Variants in CACNG4 observed in about 807,000 individuals in gnomAD.
CACNG4 encodes calcium voltage-gated channel auxiliary subunit gamma 4.
Under a neutral mutation model 22.9 loss-of-function variants are expected in CACNG4, and 8 were observed. The ratio of observed to expected loss-of-function variants is 0.35; its 90% CI spans 0.21 to 0.63. The LOEUF is 0.63. CACNG4 is among the 30% of genes least tolerant of loss of function. The pLI is 0.72. For missense variants in CACNG4, 357 were observed against 455.4 expected, an observed-to-expected ratio of 0.78 and a Z score of 1.97; for synonymous variants, 188 against 191.9, an observed-to-expected ratio of 0.98 and a Z score of 0.17.
At chr17:67,004,346 CCT>C (rs2035425054) in intron 1 of CACNG4, among the ~76,000 whole-genome samples, 1 of 152,104 alleles carries the variant, frequency 6.6e-6, no homozygotes, top group Non-Finnish European at 1.5e-5. Flanking sequence ...AAATCCTGGC[CCT>C]CTCTGGAACA....
intron 1 of CACNG4, among the ~76,000 whole-genome samples, chr17:67,006,810 C>T (rs755455136): frequency 7.9e-5 from 12 of 152,180 alleles, no homozygotes; most frequent in Non-Finnish European, 1.6e-4. Flanking sequence ...TGAACCTTGT[C>T]CACCTCAAAA....
chr17:66,977,690 C>T (rs2035246190), intron 1 of CACNG4, among the ~76,000 whole-genome samples: 1 of 152,222 alleles, frequency 6.6e-6, no homozygotes, highest in Non-Finnish European at 1.5e-5. Context: ...CAGACCTCAC[C>T]TCTCTCTTGT....
Position 67,030,109 on chromosome 17 carries a change from G to C in CACNG4, c.446-357G>C, listed in dbSNP as rs2035593368. On this transcript the variant is annotated intron_variant, in intron 3 of 3. Transcript: ENST00000262138. This position sits in a 1 kb window ranked among gnomAD's most constrained non-coding sequence, Gnocchi z 6.4. Reference sequence around the variant, plus strand: ...CCGTCTCTCAGATGTACTGTTAAGAGAAAAACTAAGCAGCCAGAGTACTGT... The same window carrying C: ...CCGTCTCTCAGATGTACTGTTAAGACAAAAACTAAGCAGCCAGAGTACTGT... 6.6e-6 allele frequency among the ~76,000 whole-genome samples: 1 copy of C among 152,112 alleles called. No individual in the cohort carries two copies. The highest frequency in any genetic ancestry group is 1.5e-5 in the Non-Finnish European group (1 of 68,044).
chr17:67,008,906 G>A (rs555216640), intron 1 of CACNG4, among the ~76,000 whole-genome samples: 6 of 152,172 alleles, frequency 3.9e-5, no homozygotes, highest in East Asian at 3.9e-4. Flanking sequence ...CCGAGATCGC[G>A]CCACTTCACT....
Position 66,972,111 on chromosome 17 carries a change from G to T in CACNG4, c.220+6980G>T, listed in dbSNP as rs984110125. 3.3e-5 allele frequency among the ~76,000 whole-genome samples: 5 copies of T among 152,280 alleles called. No individual in the cohort carries two copies. The East Asian group carries it at 7.7e-4, about 24-fold the overall frequency. The stretch of plus-strand genomic sequence containing the variant: ...CCCAGATTTGGGGCCACAGCAGCCG[G>T]CCAGGCGACAGCACCATGGCCAAGT... On this transcript the variant is annotated intron_variant, in intron 1 of 3. Transcript: ENST00000262138.
intron 3 of CACNG4, among the ~76,000 whole-genome samples, chr17:67,025,685 T>C (rs1482634528): frequency 1.3e-5 from 2 of 152,232 alleles, no homozygotes; most frequent in African/African-American, 2.4e-5. Context: ...GAGCTGTGGG[T>C]GACAGTGACA....
chr17:67,009,719 T>G (rs9892538), intron 1 of CACNG4, among the ~76,000 whole-genome samples: 1 of 152,026 alleles, frequency 6.6e-6, no homozygotes, highest in Non-Finnish European at 1.5e-5. Flanking sequence ...GGTGGCTTCC[T>G]GGTTTATAGA....
At position 66,965,053 on chromosome 17, in the gene CACNG4, A is replaced by C. The variant is rs1358950096; in HGVS notation, c.142A>C (p.Met48Leu). Residue 48 changes from methionine to leucine, a missense_variant, in exon 1 of 4, where the codon ATG (methionine) becomes CTG (leucine). Met to Leu is a conservative substitution (Grantham distance 15). This residue lies in a region of CACNG4 where 114 missense variants were observed against 161.6 expected (regional missense o/e 0.71). Transcript: ENST00000262138. The stretch of plus-strand genomic sequence containing the variant: ...CATCTGCAACGGCACCAACCTGACC[A>C]TGGACGACGGGCCCCCGCCCCGCCG... ...AHICNGTNLT[M>L]DDGPPPRRAR... 4 of 1,602,702 alleles carry C rather than the reference A, an allele frequency of 2.5e-6. No individual in the cohort carries two copies. Among genetic ancestry groups the C allele is most frequent in the Non-Finnish European group, 3.4e-6 (4 of 1,175,846 alleles).
rs781066654 is a variant in CACNG4 at position 66,964,952 on chromosome 17, C to T, written c.41C>T (p.Thr14Met). The T allele has an allele frequency of 2.5e-6, 4 of 1,605,616 alleles. No homozygotes were observed. The highest frequency in any genetic ancestry group is 1.7e-4 in the Middle Eastern group (1 of 6,000). Residue 14 changes from threonine to methionine, a missense_variant, in exon 1 of 4, where the codon ACG becomes ATG. By Grantham distance (81) the Thr-to-Met change is moderately conservative. Coordinates refer to ENST00000262138, the MANE Select transcript of CACNG4 (RefSeq NM_014405.4). ...CDRGLQMLLT[T>M]AGAFAAFSLM... ...CGCGGGCTGCAGATGCTGCTGACCA[C>T]GGCCGGAGCCTTCGCCGCCTTCTCG...
At chr17:67,028,381 G>A (rs1342194984) in intron 3 of CACNG4, among the ~76,000 whole-genome samples, 1 of 152,012 alleles carries the variant, frequency 6.6e-6, no homozygotes, top group Non-Finnish European at 1.5e-5. Context: ...GTGAAACCCC[G>A]TCTCTACTAA....
At chr17:66,988,672 G>C (rs1407121387) in intron 1 of CACNG4, among the ~76,000 whole-genome samples, 1 of 152,146 alleles carries the variant, frequency 6.6e-6, no homozygotes, top group African/African-American at 2.4e-5. Flanking sequence ...TGGGACGTCA[G>C]AGGGGTCTCT....
At position 67,030,980 on chromosome 17, in the gene CACNG4, G is replaced by A. The variant is rs766712507; in HGVS notation, c.960G>A (p.Leu320=). ...AGGAAGGTTTCCACGTCAGCATGCTGAACCGACGGACGACCCCTGTGTGAG... is the reference window on the plus strand; with the variant it reads ...AGGAAGGTTTCCACGTCAGCATGCTAAACCGACGGACGACCCCTGTGTGAG... ...DLKEGFHVSM[L]NRRTTPV is the part of the protein sequence containing the mutation. Residue 320 remains leucine, a synonymous_variant, in exon 4 of 4, where the codon CTG becomes CTA. Coordinates refer to ENST00000262138, the MANE Select transcript of CACNG4 (RefSeq NM_014405.4). This position sits in a 1 kb window ranked among gnomAD's most constrained non-coding sequence, Gnocchi z 6.4. 1.9e-6 allele frequency: 3 copies of A among 1,612,848 alleles called. No individual in the cohort carries two copies. The South Asian group carries it at 3.3e-5, about 18-fold the overall frequency.
intron 1 of CACNG4, among the ~76,000 whole-genome samples, chr17:66,974,408 A>G (rs986560402): frequency 2.0e-5 from 3 of 152,184 alleles, no homozygotes; most frequent in Non-Finnish European, 2.9e-5. Context: ...AAAAGGCAGC[A>G]TGGGGTAGGG....
intron 1 of CACNG4, among the ~76,000 whole-genome samples, chr17:66,981,926 C>G (rs925418297): frequency 2.6e-5 from 4 of 152,036 alleles, no homozygotes; most frequent in Non-Finnish European, 4.4e-5. Flanking sequence ...AGAAAGAGAG[C>G]TAACTCTTAT....
chr17:67,011,618 T>C (rs567430456), intron 1 of CACNG4, among the ~76,000 whole-genome samples: 1 of 149,982 alleles, frequency 6.7e-6, no homozygotes, highest in African/African-American at 2.5e-5. Flanking sequence ...TGTAAAATGC[T>C]CTTGAGGAAT....
chr17:67,002,393 A>G (rs3785586), intron 1 of CACNG4, among the ~76,000 whole-genome samples: 23,771 of 152,188 alleles, frequency 0.16, 4,404 homozygotes, highest in African/African-American at 0.44. Flanking sequence ...GCGTGGGGAC[A>G]TAGCCAAACC....
rs1377122097 is a variant in CACNG4 at position 66,997,571 on chromosome 17, C to T, written c.221-20618C>T. Among the ~76,000 whole-genome samples, 8 of 152,336 alleles carry T rather than the reference C, an allele frequency of 5.3e-5. No individual in the cohort carries two copies. In the East Asian group the frequency reaches 1.2e-3, roughly 22 times the overall value. ...GTGGCTCATACCTATAATCCCAGCA[C>T]TTTTGGAGGCTGAGGCGGGCAGATC... On this transcript the variant is annotated intron_variant, in intron 1 of 3. Coordinates refer to ENST00000262138, the MANE Select transcript of CACNG4 (RefSeq NM_014405.4).
chr17:66,984,438 C>T lies in CACNG4; in HGVS notation c.220+19307C>T, dbSNP rs2035293862. ...AGACTCACAGATGGCCTGCCACCAG[C>T]CTGCACCCGCCCCCATTCATCCCCA... On this transcript the variant is annotated intron_variant, in intron 1 of 3. Transcript: ENST00000262138. This position sits in a 1 kb window ranked among gnomAD's most constrained non-coding sequence, Gnocchi z 4.0. Among the ~76,000 whole-genome samples, 1 of 152,168 alleles carries T rather than the reference C, an allele frequency of 6.6e-6. No homozygotes were observed. Among genetic ancestry groups the T allele is most frequent in the Non-Finnish European group, 1.5e-5 (1 of 68,028 alleles).
Position 67,031,488 on chromosome 17 carries a change from G to T in CACNG4, c.*484G>T, listed in dbSNP as rs78430187. On this transcript the variant is annotated 3_prime_UTR_variant, in exon 4 of 4. Transcript: ENST00000262138. This position sits in a 1 kb window ranked among gnomAD's most constrained non-coding sequence, Gnocchi z 4.0. ...CTTTTGAACCTGAGGTTCCTGCGTC[G>T]TTGAGCCAGAAATCAGACCACCGAA... is the stretch of plus-strand genomic sequence containing the variant. 1.3e-5 allele frequency: 6 copies of T among 457,544 alleles called. No homozygotes were observed. The highest frequency in any genetic ancestry group is 2.6e-5 in the Non-Finnish European group (6 of 227,484). 28.3% of individuals were successfully genotyped at this position (457,544 alleles called of 1,614,324 possible).
Sources: allele counts gnomAD v4.1 joint callset (sites outside exome capture counted in the v4.1 genomes callset), GRCh38; gene constraint gnomAD v4.1.1; regional missense constraint gnomAD v4.1.1; non-coding constraint Gnocchi (gnomAD v3.1); transcripts MANE v1.5; gene names NCBI Gene and HGNC (gene_info 2026-07-23, HGNC 2026-07-21).